The following SGCB variants were observed in gnomAD, a reference collection of about 807,000 sequenced individuals.
The protein encoded by SGCB is sarcoglycan beta, also known as beta-sarcoglycan.
Under a neutral mutation model 27.3 loss-of-function variants are expected in SGCB, and 25 were observed. The observed-to-expected ratio is 0.92, with a 90% CI of 0.67 to 1.28. The LOEUF is 1.28. Ranked by LOEUF, SGCB falls within the 50% of genes most tolerant of loss-of-function variation. The pLI is 0.00. For synonymous variants in SGCB, 147 were observed against 133.5 expected (o/e 1.10, Z -0.70); for missense variants, 436 against 402.1 (o/e 1.08, Z -0.72).
intron 1 of SGCB, among the ~76,000 whole-genome samples, chr4:52,037,447 C>A (rs1560570176): frequency 6.6e-6 from 1 of 152,032 alleles, no homozygotes; most frequent in East Asian, 1.9e-4. Context: ...AGAGAAACTA[C>A]TATAATTGTT....
chr4:52,026,543 C>T lies in SGCB; in HGVS notation c.753+1425G>A, dbSNP rs147597535. Among the ~76,000 whole-genome samples, 50 of 152,196 alleles carry T rather than the reference C, an allele frequency of 3.3e-4. 1 individual carries two copies. Among genetic ancestry groups the T allele is most frequent in the Middle Eastern group, 3.4e-3 (1 of 292 alleles). ...AAGTGCTGAGATTACAGGCGTAAGT[C>T]ATCGCGCCCGGCCTAAATTGCTTCT... On this transcript the variant is annotated intron_variant, in intron 5 of 5. Transcript: ENST00000381431.
intron 5 of SGCB, 102 bp downstream of exon 5, chr4:52,027,866 A>G: frequency 8.9e-7 from 1 of 1,128,804 alleles, no homozygotes; most frequent in Non-Finnish European, 1.3e-6. Context: ...ATGTCAAAAA[A>G]TAGACAATTA....
chr4:52,032,099 CAG>C, intron 2 of SGCB: 3 of 362,040 alleles, frequency 8.3e-6, no homozygotes, highest in South Asian at 6.3e-5. Context: ...CCAGTGTGTC[CAG>C]AGACACACTA....
At chr4:52,036,115 A>G (rs776022134) in intron 1 of SGCB, among the ~76,000 whole-genome samples, 9 of 152,248 alleles carry the variant, frequency 5.9e-5, no homozygotes, top group African/African-American at 4.8e-5. Flanking sequence ...AATGCATACA[A>G]TACAGAAAGG....
intron 1 of SGCB, among the ~76,000 whole-genome samples, chr4:52,035,170 G>A (rs916506802): frequency 2.0e-5 from 3 of 152,170 alleles, no homozygotes; most frequent in African/African-American, 7.2e-5. Context: ...TTAAAGCTCT[G>A]AGAAAATTCA....
chr4:52,029,781 C>A lies in SGCB; in HGVS notation c.326G>T (p.Arg109Leu). 1 of 1,612,956 alleles carries A rather than the reference C, an allele frequency of 6.2e-7. No homozygotes were observed. The highest frequency in any genetic ancestry group is 8.5e-7 in the Non-Finnish European group (1 of 1,179,080). ...SMEFHESGLL[R>L]FKQVSDMGVI... ...TCCCATGTCAGATACTTGCTTAAAT[C>A]GAAGCAGGCCACTTTCATGAAACTC... Residue 109 changes from arginine (R) to leucine (L), a missense_variant, in exon 3 of 6, where the codon CGA (arginine) becomes CTA (leucine). Arg to Leu is a moderately radical substitution (Grantham distance 102). Coordinates refer to ENST00000381431, the MANE Select transcript of SGCB (RefSeq NM_000232.5).
chr4:52,033,704 A>C, intron 1 of SGCB, 64 bp from the exon 2 acceptor site: 1 of 1,264,688 alleles, frequency 7.9e-7, no homozygotes, highest in Non-Finnish European at 1.2e-6. Context: ...TTTATCTATT[A>C]GGTGCAAATT....
intron 1 of SGCB, 42 bp downstream of exon 1, chr4:52,038,185 C>T (rs1472462002): frequency 5.0e-6 from 6 of 1,210,136 alleles, no homozygotes; most frequent in Non-Finnish European, 6.2e-6. Flanking sequence ...GACGCGGCCT[C>T]CCCCGCTCCT....
intron 1 of SGCB, among the ~76,000 whole-genome samples, chr4:52,034,941 C>T (rs1188193038): frequency 6.6e-6 from 1 of 152,216 alleles, no homozygotes; most frequent in Non-Finnish European, 1.5e-5. Flanking sequence ...AAAATTTCTC[C>T]ATTTTAACTT....
intron 5 of SGCB, among the ~76,000 whole-genome samples, chr4:52,024,689 G>A (rs747639993): frequency 6.6e-5 from 10 of 151,922 alleles, no homozygotes; most frequent in East Asian, 1.9e-4. Context: ...TTAGCGGGAC[G>A]TGGTGGTGGG....
intron 5 of SGCB, among the ~76,000 whole-genome samples, chr4:52,027,121 T>A (rs552427900): frequency 3.5e-4 from 53 of 152,334 alleles, no homozygotes; most frequent in African/African-American, 1.2e-3. Flanking sequence ...AAATTTTTTT[T>A]AATAAGAAAG....
At chr4:52,027,044 GA>G (rs1179466238) in intron 5 of SGCB, among the ~76,000 whole-genome samples, 2 of 152,098 alleles carry the variant, frequency 1.3e-5, no homozygotes, top group Admixed American at 6.5e-5. Context: ...TGTTCTGGGG[GA>G]AAAACTGCTT....
chr4:52,033,185 G>A (rs1474803651), intron 2 of SGCB, among the ~76,000 whole-genome samples: 2 of 152,144 alleles, frequency 1.3e-5, no homozygotes, highest in African/African-American at 4.8e-5. Context: ...CTAGGTGGGA[G>A]CCTCATAATT....
chr4:52,033,623 A>G lies in SGCB; in HGVS notation c.51T>C (p.Pro17=), dbSNP rs964563108. 1.2e-6 allele frequency: 2 copies of G among 1,613,394 alleles called. No individual in the cohort carries two copies. The highest frequency in any genetic ancestry group is 2.7e-5 in the African/African-American group (2 of 75,032). The change falls in exon 2 of 6, where the codon CCT becomes CCC. Residue 17 remains proline, a synonymous_variant. Transcript: ENST00000381431. ...AAAEQQSSNG[P]VKKSMREKAV... is the part of the protein sequence containing the mutation. ...CCTTCTCACGCATGGACTTCTTTACAGGACCATTGGAACTTTGCTAAAAAT... is the reference window on the plus strand; with the variant it reads ...CCTTCTCACGCATGGACTTCTTTACGGGACCATTGGAACTTTGCTAAAAAT...
chr4:52,028,131 G>A (rs767732723), intron 4 of SGCB, 32 bp from the exon 5 acceptor site: 2 of 1,540,268 alleles, frequency 1.3e-6, no homozygotes, highest in South Asian at 1.1e-5. Context: ...ACTAAAAAGA[G>A]TTTCTAAATT....
At chr4:52,033,934 TAGTG>T (rs2109376436) in intron 1 of SGCB, among the ~76,000 whole-genome samples, 1 of 152,286 alleles carries the variant, frequency 6.6e-6, no homozygotes, top group South Asian at 2.1e-4. Context: ...ACGTATCCTA[TAGTG>T]AGTAACTGCT....
intron 2 of SGCB, chr4:52,031,724 C>T: frequency 7.7e-6 from 2 of 258,806 alleles, no homozygotes; most frequent in South Asian, 3.8e-5. Context: ...TATCATTTTT[C>T]AATTCTTGGC....
rs575102547 is a variant in SGCB at position 52,025,124 on chromosome 4, T to G, written c.754-964A>C. On this transcript the variant is annotated intron_variant, in intron 5 of 5. Transcript: ENST00000381431. ...AGTGCCTGCTGTATGCCAGACACTA[T>G]TCTAGGTGCTGGGGAATACAGCAGT... 2.6e-5 allele frequency among the ~76,000 whole-genome samples: 4 copies of G among 152,290 alleles called. No homozygotes were observed. The South Asian group carries it at 8.3e-4, about 32-fold the overall frequency.
In SGCB at chr4:52,023,387, T is replaced by C. The variant is rs1737005739; in HGVS notation, c.*570A>G. On this transcript the variant is annotated 3_prime_UTR_variant, in exon 6 of 6. Transcript: ENST00000381431. ...TAGTTATCATTATTTCAAATAAACATTCTTTTACAAAATATTTTCTTCCCA... is the reference window on the plus strand; with the variant it reads ...TAGTTATCATTATTTCAAATAAACACTCTTTTACAAAATATTTTCTTCCCA... The C allele has an allele frequency of 6.5e-6, 1 of 153,156 alleles. No homozygotes were observed. Among genetic ancestry groups the C allele is most frequent in the Admixed American group, 6.5e-5 (1 of 15,340 alleles). The allele number at this position is 153,156 out of a possible 1,614,324, so 9.5% of individuals were successfully genotyped here.
Sources: allele counts gnomAD v4.1 joint callset (sites outside exome capture counted in the v4.1 genomes callset), GRCh38; gene constraint gnomAD v4.1.1; transcripts MANE v1.5; gene names NCBI Gene and HGNC (gene_info 2026-07-23, HGNC 2026-07-21).